Variants in PTGER4 observed in about 807,000 individuals in gnomAD.
PTGER4 encodes prostaglandin E2 receptor EP4 subtype.
In PTGER4, 11 loss-of-function variants were observed where a neutral mutation model predicts 33.2. The observed-to-expected ratio is 0.33, with a 90% CI of 0.21 to 0.55. PTGER4 has a LOEUF of 0.55. Ranked by LOEUF, PTGER4 falls within the 20% of genes least tolerant of loss-of-function variation. PTGER4 has a pLI of 0.92. For synonymous variants in PTGER4, 275 were observed against 281.5 expected (o/e 0.98, Z 0.23); for missense variants, 481 against 650.2 (o/e 0.74, Z 2.83).
the PTGER4 span, among the ~76,000 whole-genome samples, chr5:40,734,054 C>T: frequency 2.0e-5 from 3 of 152,270 alleles, no homozygotes; most frequent in East Asian, 3.9e-4. Flanking sequence ...TTGTTGCCAA[C>T]GAGGCCTATA....
chr5:40,684,342 G>T (rs1246623762), intron 2 of PTGER4, among the ~76,000 whole-genome samples: 1 of 152,056 alleles, frequency 6.6e-6, no homozygotes, highest in African/African-American at 2.4e-5. Context: ...AAATCAAGTG[G>T]TTGCTAATCC....
the PTGER4 span, among the ~76,000 whole-genome samples, chr5:40,723,632 T>C: frequency 6.6e-6 from 1 of 151,738 alleles, no homozygotes; most frequent in Admixed American, 6.6e-5. Flanking sequence ...TGGGAGGCCA[T>C]GGTGGGCGGA....
chr5:40,705,862 T>C, the PTGER4 span, among the ~76,000 whole-genome samples: 1 of 152,342 alleles, frequency 6.6e-6, no homozygotes, highest in Non-Finnish European at 1.5e-5. Flanking sequence ...AGGGGAACCC[T>C]ATACACTGTT....
At chr5:40,685,585 C>A (rs1741303599) in intron 2 of PTGER4, 1 of 291,770 alleles carries the variant, frequency 3.4e-6, no homozygotes, top group Non-Finnish European at 5.1e-6. Context: ...TCATAACATG[C>A]AATTGCAGAC....
At chr5:40,735,232 T>C in the PTGER4 span, among the ~76,000 whole-genome samples, 1 of 152,180 alleles carries the variant, frequency 6.6e-6, no homozygotes, top group African/African-American at 2.4e-5. Context: ...CAGTGAGACA[T>C]GAATTATTGA....
chr5:40,743,285 TCAGA>T, the PTGER4 span, among the ~76,000 whole-genome samples: 1 of 152,100 alleles, frequency 6.6e-6, no homozygotes, highest in East Asian at 1.9e-4. Flanking sequence ...AAAAAGGTTT[TCAGA>T]CAGAGTCATA....
chr5:40,738,436 A>C, the PTGER4 span, among the ~76,000 whole-genome samples: 2 of 65,116 alleles, frequency 3.1e-5, no homozygotes, highest in Non-Finnish European at 6.2e-5. Context: ...AAAATAAAAT[A>C]TAAAATAAAA....
chr5:40,740,636 C>T, the PTGER4 span, among the ~76,000 whole-genome samples: 1 of 152,158 alleles, frequency 6.6e-6, no homozygotes, highest in Non-Finnish European at 1.5e-5. Context: ...CAATGAGGGA[C>T]AACTCTGACT....
At chr5:40,697,097 AAAAG>A (rs1440560614), downstream of PTGER4, among the ~76,000 whole-genome samples, 5 of 60,358 alleles carry the variant, frequency 8.3e-5, no homozygotes, top group South Asian at 5.4e-4. Flanking sequence ...AAAGAAAGAG[AAAAG>A]AAAGAAAGGA....
At chr5:40,716,253 T>A in the PTGER4 span, 1 of 1,614,232 alleles carries the variant, frequency 6.2e-7, no homozygotes, top group East Asian at 2.2e-5. Context: ...TTGTTTTATT[T>A]GCTGAAACTG....
At chr5:40,710,319 T>A in the PTGER4 span, among the ~76,000 whole-genome samples, 2 of 152,066 alleles carry the variant, frequency 1.3e-5, no homozygotes, top group Admixed American at 6.5e-5. Flanking sequence ...AAAGGACACA[T>A]GAAAAAATGC....
Position 40,681,760 on chromosome 5 carries a change from G to T in PTGER4, c.767G>T (p.Arg256Leu). ...PALPRLSDFRRRRSFRRIAGA... is the reference protein window; with the variant it reads ...PALPRLSDFRLRRSFRRIAGA... ...TTGCCGCGCCTCAGCGACTTTCGGC[G>T]CCGCCGGAGCTTCCGCCGCATCGCG... Residue 256 changes from arginine to leucine, a missense_variant, in exon 2 of 3, where the codon CGC becomes CTC. Transcript: ENST00000302472. This position sits in a 1 kb window ranked among gnomAD's most constrained non-coding sequence, Gnocchi z 9.8. 1.9e-6 allele frequency: 3 copies of T among 1,594,650 alleles called. No individual in the cohort carries two copies. The highest frequency in any genetic ancestry group is 2.6e-6 in the Non-Finnish European group (3 of 1,174,772).
chr5:40,720,464 A>G, the PTGER4 span, among the ~76,000 whole-genome samples: 3 of 152,232 alleles, frequency 2.0e-5, no homozygotes, highest in African/African-American at 7.2e-5. Flanking sequence ...CATATTTACT[A>G]AACTTAAATA....
the PTGER4 span, among the ~76,000 whole-genome samples, chr5:40,725,703 G>A: frequency 4.6e-5 from 7 of 151,154 alleles, no homozygotes; most frequent in East Asian, 1.4e-3. Context: ...TCTTCTTCAG[G>A]ATAAATCCCT....
the PTGER4 span, among the ~76,000 whole-genome samples, chr5:40,718,015 T>C: frequency 3.3e-5 from 5 of 150,802 alleles, no homozygotes. Flanking sequence ...TGAGCCAAGA[T>C]CGCACAATTA....
downstream of PTGER4, among the ~76,000 whole-genome samples, chr5:40,694,340 C>T (rs1220773760): frequency 6.6e-6 from 1 of 152,236 alleles, no homozygotes; most frequent in Non-Finnish European, 1.5e-5. Flanking sequence ...CATGAGCCAC[C>T]ATGCCCGGCC....
intron 2 of PTGER4, among the ~76,000 whole-genome samples, 185 bp downstream of exon 2, chr5:40,682,045 A>G (rs1741209318): frequency 6.6e-6 from 1 of 151,908 alleles, no homozygotes; most frequent in Admixed American, 6.5e-5. Context: ...AACCCTAACG[A>G]GATTTAGCAG....
chr5:40,681,145 A>T lies in PTGER4; in HGVS notation c.152A>T (p.Glu51Val). Residue 51 changes from glutamate to valine, a missense_variant, in exon 2 of 3, where the codon GAG (glutamate) becomes GTG (valine). Physicochemically the swap from Glu to Val is moderately radical, Grantham distance 121. This residue lies in a region of PTGER4 where 61 missense variants were observed against 145.2 expected (regional missense o/e 0.42). Coordinates refer to ENST00000302472, the MANE Select transcript of PTGER4 (RefSeq NM_000958.3). This position sits in a 1 kb window ranked among gnomAD's most constrained non-coding sequence, Gnocchi z 9.8. The part of the protein sequence containing the change: ...VLCKSRKEQK[E>V]TTFYTLVCGL... ...TGCAAGTCGCGCAAGGAGCAGAAGG[A>T]GACGACCTTCTACACGCTGGTATGT... The T allele has an allele frequency of 6.2e-7, 1 of 1,614,134 alleles. No homozygotes were observed. The highest frequency in any genetic ancestry group is 8.5e-7 in the Non-Finnish European group (1 of 1,180,018).
chr5:40,708,551 A>G, the PTGER4 span, among the ~76,000 whole-genome samples: 1 of 152,316 alleles, frequency 6.6e-6, no homozygotes, highest in African/African-American at 2.4e-5. Context: ...TAGCTTACCA[A>G]CCAAAAAAAC....
Sources: allele counts gnomAD v4.1 joint callset (sites outside exome capture counted in the v4.1 genomes callset), GRCh38; gene constraint gnomAD v4.1.1; regional missense constraint gnomAD v4.1.1; non-coding constraint Gnocchi (gnomAD v3.1); transcripts MANE v1.5; gene names NCBI Gene and HGNC (gene_info 2026-07-23, HGNC 2026-07-21).